The following APBB2 variants were observed in gnomAD, a reference collection of about 807,000 sequenced individuals.
APBB2 encodes amyloid beta precursor protein binding family B member 2.
In APBB2, 38 loss-of-function variants were observed where a neutral mutation model predicts 82.5. That is an observed-to-expected ratio of 0.46 (90% CI 0.36 to 0.60). The LOEUF (loss-of-function observed/expected upper bound fraction) is 0.60, where lower values mean the gene tolerates loss of function less well. APBB2 is among the 20% of genes least tolerant of loss of function. APBB2 has a pLI of 0.00. For missense variants in APBB2, 772 were observed against 972.3 expected (o/e 0.79, Z 2.74); for synonymous variants, 341 against 368.2 (o/e 0.93, Z 0.85).
intron 3 of APBB2, among the ~76,000 whole-genome samples, chr4:41,084,872 G>A (rs1454763407): frequency 2.6e-5 from 4 of 152,108 alleles, no homozygotes. Flanking sequence ...ATTAAAGTAA[G>A]CCAAGAAGCC....
rs1754860941 is a variant in APBB2, at chr4:41,127,985, C to A, written c.-261+15002G>T. The stretch of plus-strand genomic sequence containing the variant: ...ATCCCAGCTACCTGGGAGACTGAAG[C>A]ATGAGAATCGCTTGAACCCAGGAGG... On this transcript the variant is annotated intron_variant, in intron 2 of 17. Coordinates refer to ENST00000508593, the MANE Select transcript of APBB2 (RefSeq NM_004307.2). This position sits in a 1 kb window ranked among gnomAD's most constrained non-coding sequence, Gnocchi z 4.8. Among the ~76,000 whole-genome samples, 1 of 152,074 alleles carries A rather than the reference C, an allele frequency of 6.6e-6. No individual in the cohort carries two copies. The highest frequency in any genetic ancestry group is 2.1e-4 in the South Asian group (1 of 4,826).
intron 1 of APBB2, among the ~76,000 whole-genome samples, chr4:41,208,630 T>C (rs1222832087): frequency 1.3e-5 from 2 of 152,226 alleles, no homozygotes; most frequent in Admixed American, 6.5e-5. Context: ...TCCTGAAGCA[T>C]ACTTGCCAAT....
At chr4:41,129,840 A>T (rs1755473453) in intron 2 of APBB2, among the ~76,000 whole-genome samples, 1 of 151,996 alleles carries the variant, frequency 6.6e-6, no homozygotes, top group Non-Finnish European at 1.5e-5. Context: ...TTTATATTCC[A>T]GTGAGAAGAG....
At chr4:41,045,659 T>C (rs1035335997) in intron 4 of APBB2, among the ~76,000 whole-genome samples, 1 of 152,214 alleles carries the variant, frequency 6.6e-6, no homozygotes. Context: ...TTTTACTCTA[T>C]TTCTTTCTTA....
At chr4:41,197,221 T>TC in intron 1 of APBB2, among the ~76,000 whole-genome samples, 2 of 152,138 alleles carry the variant, frequency 1.3e-5, no homozygotes, top group African/African-American at 2.4e-5. Flanking sequence ...TGTTATTTTT[T>TC]CCCCTCTTAA....
At chr4:40,911,272 T>C (rs748478393) in intron 10 of APBB2, among the ~76,000 whole-genome samples, 2 of 152,154 alleles carry the variant, frequency 1.3e-5, no homozygotes, top group Admixed American at 6.5e-5. Flanking sequence ...TATGCGTGGA[T>C]CTGGTATACT....
At chr4:40,973,412 C>T (rs532409360) in intron 6 of APBB2, among the ~76,000 whole-genome samples, 10 of 152,302 alleles carry the variant, frequency 6.6e-5, no homozygotes, top group African/African-American at 2.2e-4. Context: ...CTAATGAAAA[C>T]CTGCCGCTGC....
chr4:41,026,082 C>G (rs946237917), intron 5 of APBB2, among the ~76,000 whole-genome samples: 1 of 151,556 alleles, frequency 6.6e-6, no homozygotes, highest in African/African-American at 2.4e-5. Flanking sequence ...CCTTAGAAAA[C>G]TAATGCAGGA....
intron 12 of APBB2, chr4:40,880,630 T>A (rs1477602230): frequency 8.1e-6 from 8 of 985,328 alleles, no homozygotes; most frequent in Non-Finnish European, 9.6e-6. Context: ...TCAAAGAAGA[T>A]CACGGCACTT....
chr4:41,122,820 G>A (rs1013015377), intron 2 of APBB2, among the ~76,000 whole-genome samples: 16 of 152,164 alleles, frequency 1.1e-4, no homozygotes, highest in African/African-American at 3.1e-4. Flanking sequence ...AATTAAAAAT[G>A]TTTTAAGTCC....
rs544769914 is a variant in APBB2 at position 41,106,608 on chromosome 4, C to T, written c.-260-5858G>A. Reference sequence around the variant, plus strand: ...TCTCCTGCCTCAGCCTCCCAAGTAGCTGGGACTACAGGCGCCCGCCACCAC... The same window carrying T: ...TCTCCTGCCTCAGCCTCCCAAGTAGTTGGGACTACAGGCGCCCGCCACCAC... On this transcript the variant is annotated intron_variant, in intron 2 of 17. Coordinates refer to ENST00000508593, the MANE Select transcript of APBB2 (RefSeq NM_004307.2). 9.2e-5 allele frequency among the ~76,000 whole-genome samples: 14 copies of T among 152,202 alleles called. No homozygotes were observed. The East Asian group carries it at 2.7e-3, about 29-fold the overall frequency.
chr4:41,139,310 T>A (rs1758448016), intron 2 of APBB2, among the ~76,000 whole-genome samples: 1 of 152,100 alleles, frequency 6.6e-6, no homozygotes, highest in Non-Finnish European at 1.5e-5. Context: ...AATCCAACAC[T>A]ATTTCATAAT....
chr4:41,200,969 C>G (rs1374522989), intron 1 of APBB2, among the ~76,000 whole-genome samples: 1 of 152,208 alleles, frequency 6.6e-6, no homozygotes, highest in Non-Finnish European at 1.5e-5. Flanking sequence ...ACTCTAGCTG[C>G]ATGCTCTCAA....
At chr4:41,012,958 A>G (rs891908766) in intron 6 of APBB2, among the ~76,000 whole-genome samples, 3 of 152,254 alleles carry the variant, frequency 2.0e-5, no homozygotes, top group African/African-American at 7.2e-5. Flanking sequence ...ACAAAAGTCC[A>G]GAAAGACTGG....
chr4:41,025,410 A>C (rs1236250670), intron 5 of APBB2, among the ~76,000 whole-genome samples: 1 of 152,076 alleles, frequency 6.6e-6, no homozygotes, highest in Non-Finnish European at 1.5e-5. Context: ...TGTCGGTGGG[A>C]GTGTGAATTA....
intron 3 of APBB2, among the ~76,000 whole-genome samples, chr4:41,077,648 G>A (rs1341572795): frequency 6.6e-6 from 1 of 152,102 alleles, no homozygotes; most frequent in East Asian, 1.9e-4. Context: ...TCATATGTAA[G>A]GGAAGACCAA....
At chr4:41,160,220 A>G (rs1422997166) in intron 1 of APBB2, among the ~76,000 whole-genome samples, 6 of 152,062 alleles carry the variant, frequency 3.9e-5, no homozygotes, top group Non-Finnish European at 7.4e-5. Context: ...CTGGACAGGG[A>G]AGACAAGGGC....
intron 6 of APBB2, among the ~76,000 whole-genome samples, chr4:41,007,972 A>G (rs1032821243): frequency 1.3e-5 from 2 of 152,232 alleles, no homozygotes; most frequent in African/African-American, 4.8e-5. Context: ...CTTTATAAGG[A>G]CTTTATACAG....
At chr4:41,000,693 G>A (rs954166990) in intron 6 of APBB2, among the ~76,000 whole-genome samples, 1 of 152,162 alleles carries the variant, frequency 6.6e-6, no homozygotes, top group African/African-American at 2.4e-5. Context: ...TGGACTGCAA[G>A]GAACTCTGTG....
Sources: gnomAD v4.1 joint callset for allele counts (sites outside exome capture counted in the v4.1 genomes callset) on GRCh38, gnomAD v4.1.1 for gene constraint, Gnocchi (gnomAD v3.1) non-coding constraint, MANE v1.5 for transcripts, NCBI Gene and HGNC (gene_info 2026-07-23, HGNC 2026-07-21) for gene names.